The following REPS1 variants were observed in gnomAD, a reference collection of about 807,000 sequenced individuals.
REPS1 encodes the protein RALBP1 associated Eps domain containing 1, also known as ralBP1-associated Eps domain-containing protein 1.
REPS1 carries 39 observed loss-of-function variants against 100.9 expected under a neutral mutation model. The ratio of observed to expected loss-of-function variants is 0.39; its 90% CI spans 0.30 to 0.50. The LOEUF (loss-of-function observed/expected upper bound fraction) is 0.50. Among genes scored for constraint, REPS1 ranks in the 20% least tolerant of loss-of-function variants. The pLI is 0.86. For synonymous variants in REPS1, 324 were observed against 340.3 expected (o/e 0.95, Z 0.53); for missense variants, 821 against 968.5 (o/e 0.85, Z 2.02).
intron 1 of REPS1, among the ~76,000 whole-genome samples, chr6:138,953,697 A>T (rs1783188433): frequency 1.4e-5 from 2 of 147,400 alleles, no homozygotes; most frequent in Non-Finnish European, 3.0e-5. Flanking sequence ...AAAAAAAAAA[A>T]ATGCTGGCGA....
intron 1 of REPS1, among the ~76,000 whole-genome samples, chr6:138,954,046 T>C (rs1226910745): frequency 6.6e-6 from 1 of 151,708 alleles, no homozygotes; most frequent in Non-Finnish European, 1.5e-5. Context: ...CATGGCAACA[T>C]GGATGGAACT....
intron 5 of REPS1, among the ~76,000 whole-genome samples, chr6:138,944,267 T>A (rs1302858647): frequency 6.6e-6 from 1 of 152,168 alleles, no homozygotes; most frequent in Non-Finnish European, 1.5e-5. Flanking sequence ...GCAAATATAT[T>A]TCCAGATGCA....
chr6:138,981,949 AACTC>A (rs1172220291), intron 1 of REPS1, among the ~76,000 whole-genome samples: 2 of 152,124 alleles, frequency 1.3e-5, no homozygotes, highest in African/African-American at 2.4e-5. Flanking sequence ...TAGCACAAGA[AACTC>A]AAGAAGACAG....
chr6:138,914,118 G>A (rs978290982), intron 15 of REPS1, among the ~76,000 whole-genome samples: 1 of 152,060 alleles, frequency 6.6e-6, no homozygotes, highest in South Asian at 2.1e-4. Context: ...CATCCAGGCT[G>A]GAGTGCAGTG....
chr6:138,934,791 A>G (rs1019974556), intron 8 of REPS1, among the ~76,000 whole-genome samples: 10 of 150,844 alleles, frequency 6.6e-5, no homozygotes, highest in African/African-American at 2.2e-4. Context: ...AAGTTATTCA[A>G]TAACGATGGT....
chr6:138,964,671 T>C (rs959047194), intron 1 of REPS1, among the ~76,000 whole-genome samples: 1 of 151,960 alleles, frequency 6.6e-6, no homozygotes, highest in African/African-American at 2.4e-5. Context: ...AAGTACGAGA[T>C]AAGAATTTCC....
Position 138,981,758 on chromosome 6 carries a change from G to A in REPS1, c.153+5772C>T, listed in dbSNP as rs115597671. On this transcript the variant is annotated intron_variant, in intron 1 of 19. Transcript: ENST00000450536. Reference sequence around the variant, plus strand: ...TCAGACATTCTGTGATTTGTTCAGGGTTACAAAGTTAGCTGATGCCAGAAC... The same window carrying A: ...TCAGACATTCTGTGATTTGTTCAGGATTACAAAGTTAGCTGATGCCAGAAC... Among the ~76,000 whole-genome samples the A allele has an allele frequency of 4.5e-3, 685 of 152,242 alleles. 5 individuals are homozygous for A. The highest frequency in any genetic ancestry group is 0.016 in the African/African-American group (665 of 41,528).
chr6:138,944,109 G>T, intron 5 of REPS1, 94 bp from the exon 6 acceptor site: 1 of 1,177,806 alleles, frequency 8.5e-7, no homozygotes, highest in Non-Finnish European at 1.2e-6. Context: ...AGTAAAACTT[G>T]CTTTTTGTGT....
At chr6:138,987,509 G>C in intron 1 of REPS1, 21 bp downstream of exon 1, 6 of 1,543,154 alleles carry the variant, frequency 3.9e-6, no homozygotes, top group Non-Finnish European at 5.2e-6. Flanking sequence ...GCCGCCCGCC[G>C]GCCCCGGGAC....
chr6:138,916,577 C>T (rs552699623), intron 13 of REPS1, among the ~76,000 whole-genome samples: 7 of 152,116 alleles, frequency 4.6e-5, no homozygotes, highest in East Asian at 1.9e-4. Flanking sequence ...CTTAGTGTTA[C>T]GCTTTCCCAT....
At chr6:138,958,282 G>T (rs1471920044) in intron 1 of REPS1, among the ~76,000 whole-genome samples, 1 of 152,198 alleles carries the variant, frequency 6.6e-6, no homozygotes, top group Non-Finnish European at 1.5e-5. Context: ...AGCAGTACAG[G>T]AAAAGGGAAA....
Position 138,905,039 on chromosome 6 carries a change from A to G in REPS1, c.*25T>C, listed in dbSNP as rs369809494. On this transcript the variant is annotated 3_prime_UTR_variant, in exon 20 of 20. Coordinates refer to ENST00000450536, the MANE Select transcript of REPS1 (RefSeq NM_001286611.2). ...AACCCAAAACCACTTAAAAACAAGT[A>G]TGTTCACAGTTAACGGCAATTGGCT... The G allele has an allele frequency of 6.2e-7, 1 of 1,611,874 alleles. No homozygotes were observed. The highest frequency in any genetic ancestry group is 2.2e-5 in the East Asian group (1 of 44,868).
chr6:138,943,515 A>C lies in REPS1; in HGVS notation c.978T>G (p.Ile326Met), dbSNP rs758743740. 6.3e-7 allele frequency: 1 copy of C among 1,576,706 alleles called. No individual in the cohort carries two copies. The highest frequency in any genetic ancestry group is 1.4e-5 in the African/African-American group (1 of 74,008). The change falls in exon 7 of 20, where the codon ATT (isoleucine) becomes ATG (methionine). Residue 326 changes from isoleucine (I) to methionine (M), a missense_variant and splice_region_variant. This residue lies in a region of REPS1 where 757 missense variants were observed against 866.4 expected (regional missense o/e 0.87). Transcript: ENST00000450536. Reference sequence around the variant, plus strand: ...AACTAATGATATACCACACTTACCAAATATGAGAAAGTTCAAGAATAGGAA... The same window carrying C: ...AACTAATGATATACCACACTTACCACATATGAGAAAGTTCAAGAATAGGAA... ...SKLPILELSH[I>M]WELSDFDKDG...
At chr6:138,937,749 C>G (rs1486882515) in intron 8 of REPS1, among the ~76,000 whole-genome samples, 1 of 152,194 alleles carries the variant, frequency 6.6e-6, no homozygotes, top group African/African-American at 2.4e-5. Context: ...ATCATTGGCT[C>G]AGTCATTTAA....
At chr6:138,945,748 T>C in intron 2 of REPS1, 51 bp from the exon 3 acceptor site, 1 of 1,352,608 alleles carries the variant, frequency 7.4e-7, no homozygotes, top group Non-Finnish European at 9.9e-7. Context: ...GACATATATA[T>C]TGAAAACTAA....
intron 1 of REPS1, among the ~76,000 whole-genome samples, chr6:138,949,189 A>G (rs1304944934): frequency 2.0e-5 from 3 of 152,222 alleles, no homozygotes; most frequent in African/African-American, 7.2e-5. Flanking sequence ...GGTATATGCT[A>G]GACAGAGGGA....
chr6:138,921,827 C>T (rs1355229585), intron 10 of REPS1, among the ~76,000 whole-genome samples: 5 of 151,834 alleles, frequency 3.3e-5, no homozygotes, highest in Non-Finnish European at 2.9e-5. Flanking sequence ...CCGCCCGCCT[C>T]GGCCTACAAA....
chr6:138,921,553 TAGG>T (rs1171852992), intron 10 of REPS1, among the ~76,000 whole-genome samples: 2 of 148,866 alleles, frequency 1.3e-5, no homozygotes, highest in Non-Finnish European at 3.0e-5. Flanking sequence ...CGGGGATGCT[TAGG>T]TAGGAGGATC....
intron 1 of REPS1, among the ~76,000 whole-genome samples, chr6:138,981,396 G>T (rs896638984): frequency 2.6e-5 from 4 of 152,148 alleles, no homozygotes; most frequent in Admixed American, 6.5e-5. Flanking sequence ...GAGTGAAGAT[G>T]CATCTATAAT....
Sources: allele counts gnomAD v4.1 joint callset (sites outside exome capture counted in the v4.1 genomes callset), GRCh38; gene constraint gnomAD v4.1.1; regional missense constraint gnomAD v4.1.1; transcripts MANE v1.5; gene names NCBI Gene and HGNC (gene_info 2026-07-23, HGNC 2026-07-21).